SPIDR: variants seen among roughly 807,000 people sequenced by gnomAD.
SPIDR encodes the protein DNA repair-scaffolding protein.
A neutral mutation model predicts 104.6 loss-of-function variants in SPIDR; 93 were observed. That is an observed-to-expected ratio of 0.89 (90% CI 0.75 to 1.06). SPIDR has a LOEUF of 1.06. Ranked by LOEUF, SPIDR falls within the 50% of genes least tolerant of loss-of-function variation. The pLI, the probability that SPIDR is intolerant of heterozygous loss-of-function variation, is 0.00. For missense variants in SPIDR, 1,154 were observed against 1,111.2 expected, an observed-to-expected ratio of 1.04 and a Z score of -0.55; for synonymous variants, 431 against 416.9, an observed-to-expected ratio of 1.03 and a Z score of -0.41.
chr8:47,477,627 C>T (rs1439113540), intron 8 of SPIDR, among the ~76,000 whole-genome samples: 14 of 152,160 alleles, frequency 9.2e-5, no homozygotes, highest in African/African-American at 3.4e-4. Context: ...AAGAGCCAAA[C>T]TTTTAAGCTA....
At chr8:47,415,554 T>A (rs2064135785) in intron 7 of SPIDR, among the ~76,000 whole-genome samples, 1 of 152,120 alleles carries the variant, frequency 6.6e-6, no homozygotes, top group African/African-American at 2.4e-5. Flanking sequence ...TGGAAAGTGA[T>A]TAGGTCATGA....
chr8:47,555,935 G>A (rs2091272811), intron 8 of SPIDR, among the ~76,000 whole-genome samples: 1 of 152,206 alleles, frequency 6.6e-6, no homozygotes, highest in African/African-American at 2.4e-5. Context: ...CTGTCTGACA[G>A]GGTTGTTATG....
chr8:47,415,990 A>C (rs2064210103), intron 7 of SPIDR, among the ~76,000 whole-genome samples: 1 of 152,228 alleles, frequency 6.6e-6, no homozygotes, highest in Non-Finnish European at 1.5e-5. Flanking sequence ...TCACACCTGT[A>C]ATTCCAGCAC....
chr8:47,332,208 T>C (rs1232838469), intron 5 of SPIDR, among the ~76,000 whole-genome samples: 1 of 39,894 alleles, frequency 2.5e-5, no homozygotes. Context: ...GTCCATGTGA[T>C]CTCATTGTTC....
chr8:47,676,577 T>C (rs183619815), intron 11 of SPIDR, among the ~76,000 whole-genome samples: 1 of 152,304 alleles, frequency 6.6e-6, no homozygotes, highest in African/African-American at 2.4e-5. Flanking sequence ...TAACAAAATA[T>C]GCTTCTCATA....
At chr8:47,400,124 G>A (rs782228954) in intron 6 of SPIDR, among the ~76,000 whole-genome samples, 6 of 152,188 alleles carry the variant, frequency 3.9e-5, no homozygotes, top group Non-Finnish European at 7.3e-5. Flanking sequence ...TGGAACGTAA[G>A]GGAGGCTACC....
intron 5 of SPIDR, among the ~76,000 whole-genome samples, chr8:47,366,624 G>A (rs1554634720): frequency 6.6e-6 from 1 of 152,216 alleles, no homozygotes; most frequent in African/African-American, 2.4e-5. Flanking sequence ...ATAATCCCTC[G>A]AAAGTGGAGA....
At chr8:47,686,635 A>T (rs900523262) in intron 11 of SPIDR, among the ~76,000 whole-genome samples, 20 of 152,154 alleles carry the variant, frequency 1.3e-4, no homozygotes, top group African/African-American at 4.3e-4. Context: ...GGGTCTTAAG[A>T]CAGGTGCACC....
At chr8:47,266,102 T>C (rs1445196316) in intron 1 of SPIDR, among the ~76,000 whole-genome samples, 1 of 151,714 alleles carries the variant, frequency 6.6e-6, no homozygotes. Context: ...TTATCGAAGT[T>C]GTTGTGCATA....
chr8:47,505,498 G>T (rs528971975), intron 8 of SPIDR, among the ~76,000 whole-genome samples: 2 of 152,298 alleles, frequency 1.3e-5, no homozygotes, highest in East Asian at 3.9e-4. Flanking sequence ...CGCAGTATTA[G>T]GGTGGGAGTG....
At chr8:47,485,739 A>G (rs577077296) in intron 8 of SPIDR, among the ~76,000 whole-genome samples, 12 of 152,310 alleles carry the variant, frequency 7.9e-5, no homozygotes, top group African/African-American at 2.6e-4. Context: ...TACCCAGGCA[A>G]ACAGGGTCTG....
chr8:47,569,034 A>C (rs1587874733), intron 8 of SPIDR, among the ~76,000 whole-genome samples: 1 of 152,370 alleles, frequency 6.6e-6, no homozygotes, highest in East Asian at 1.9e-4. Context: ...CAAGAGACAT[A>C]CTTTACATAT....
chr8:47,481,590 T>C (rs1387800191), intron 8 of SPIDR, among the ~76,000 whole-genome samples: 1 of 152,232 alleles, frequency 6.6e-6, no homozygotes, highest in Non-Finnish European at 1.5e-5. Context: ...GGGCACTGCC[T>C]GTTTTGCTTA....
At chr8:47,589,022 G>GTTTTTTTTTTTTTTTTTTTTTTTTTTT (rs1168001066) in intron 8 of SPIDR, among the ~76,000 whole-genome samples, 6 of 89,054 alleles carry the variant, frequency 6.7e-5, no homozygotes, top group Non-Finnish European at 1.2e-4. Context: ...TTTATAGTTT[G>GTTTTTTTTTTTTTTTTTTTTTTTTTTT]TTTTTTTTTT....
chr8:47,733,417 T>C (rs965423222), intron 19 of SPIDR, among the ~76,000 whole-genome samples: 4 of 152,144 alleles, frequency 2.6e-5, no homozygotes, highest in East Asian at 1.9e-4. Context: ...TTAAACTCCA[T>C]TTACAGGATA....
At chr8:47,320,571 G>T (rs1435894788) in intron 5 of SPIDR, among the ~76,000 whole-genome samples, 1 of 152,208 alleles carries the variant, frequency 6.6e-6, no homozygotes, top group African/African-American at 2.4e-5. Context: ...AATAGAAAAA[G>T]AGGGAATCCT....
At chr8:47,633,866 G>A (rs1263702594) in intron 10 of SPIDR, among the ~76,000 whole-genome samples, 1 of 152,126 alleles carries the variant, frequency 6.6e-6, no homozygotes, top group Admixed American at 6.5e-5. Flanking sequence ...GGCTGAGGTG[G>A]GCAGATTGCT....
At chr8:47,709,554 G>C (rs2081555579) in intron 14 of SPIDR, among the ~76,000 whole-genome samples, 1 of 152,144 alleles carries the variant, frequency 6.6e-6, no homozygotes, top group Non-Finnish European at 1.5e-5. Flanking sequence ...GGGATTACAG[G>C]CGTGAGCCAC....
intron 1 of SPIDR, among the ~76,000 whole-genome samples, chr8:47,272,130 G>A (rs1219517982): frequency 6.6e-6 from 1 of 152,192 alleles, no homozygotes; most frequent in East Asian, 1.9e-4. Flanking sequence ...ACCACACCCG[G>A]CTAGTTTTTG....
Sources: gnomAD v4.1 joint callset for allele counts (sites outside exome capture counted in the v4.1 genomes callset) on GRCh38, gnomAD v4.1.1 for gene constraint, MANE v1.5 for transcripts, NCBI Gene and HGNC (gene_info 2026-07-23, HGNC 2026-07-21) for gene names.